Variants in NRG1 observed in about 807,000 individuals in gnomAD.
NRG1 encodes neuregulin 1.
A neutral mutation model predicts 63.8 loss-of-function variants in NRG1; 18 were observed. The observed-to-expected ratio is 0.28, with a 90% CI of 0.19 to 0.42. The LOEUF (loss-of-function observed/expected upper bound fraction) is 0.42, where lower values mean the gene tolerates loss of function less well. NRG1 is among the 10% of genes least tolerant of loss of function. The pLI, the probability that NRG1 is intolerant of heterozygous loss-of-function variation, is 1.00. For synonymous variants in NRG1, 302 were observed against 301.3 expected (o/e 1.00, Z -0.02); for missense variants, 762 against 814.7 (o/e 0.94, Z 0.79).
chr8:32,769,335 T>C (rs1831638951), downstream of NRG1, among the ~76,000 whole-genome samples: 1 of 152,168 alleles, frequency 6.6e-6, no homozygotes, highest in African/African-American at 2.4e-5. Context: ...CGCAGCCAGA[T>C]TGAATGTCTG....
chr8:31,772,662 G>A (rs1443798111), intron 1 of NRG1, among the ~76,000 whole-genome samples: 1 of 152,118 alleles, frequency 6.6e-6, no homozygotes, highest in Non-Finnish European at 1.5e-5. Context: ...TACTGGATTT[G>A]CTTCTCACTC....
chr8:31,857,407 A>C lies in NRG1; in HGVS notation c.37+217976A>C, dbSNP rs550970731. Among the ~76,000 whole-genome samples the C allele has an allele frequency of 2.6e-5, 4 of 152,338 alleles. No homozygotes were observed. In the South Asian group the frequency reaches 8.3e-4, roughly 32 times the overall value. ...CCGTCTGTCACCCCTTTCTTTGACT[A>C]GGAAAGGGAACTCCCTGACCCCTTG... On this transcript the variant is annotated intron_variant, in intron 1 of 10. Coordinates refer to the NRG1 transcript ENST00000519301.
At chr8:32,164,851 G>T (rs1016764743) in intron 1 of NRG1, among the ~76,000 whole-genome samples, 11 of 152,078 alleles carry the variant, frequency 7.2e-5, no homozygotes, top group Admixed American at 1.3e-4. Flanking sequence ...TGGGCCAATT[G>T]CTCTGTCTCT....
intron 5 of NRG1, among the ~76,000 whole-genome samples, chr8:32,631,803 G>C (rs889920036): frequency 6.6e-6 from 1 of 152,122 alleles, no homozygotes; most frequent in Non-Finnish European, 1.5e-5. Flanking sequence ...GACGCTTTGA[G>C]ACTCCGTTGC....
intron 1 of NRG1, among the ~76,000 whole-genome samples, chr8:32,431,353 G>C (rs1442049895): frequency 6.6e-6 from 1 of 152,084 alleles, no homozygotes; most frequent in Non-Finnish European, 1.5e-5. Context: ...ACTTTTGCTA[G>C]GATTCTGTCC....
At chr8:32,763,360 G>A in intron 11 of NRG1, 2 of 1,613,608 alleles carry the variant, frequency 1.2e-6, no homozygotes, top group Non-Finnish European at 1.7e-6. Context: ...CTTTAGGAAG[G>A]TATAGTATTT....
chr8:32,246,135 C>T (rs1387808609), intron 1 of NRG1, among the ~76,000 whole-genome samples: 1 of 152,116 alleles, frequency 6.6e-6, no homozygotes, highest in South Asian at 2.1e-4. Flanking sequence ...TTTCTGATTT[C>T]TCTAACAGTC....
At chr8:32,496,476 C>T (rs910735841) in intron 1 of NRG1, among the ~76,000 whole-genome samples, 1 of 152,072 alleles carries the variant, frequency 6.6e-6, no homozygotes, top group Non-Finnish European at 1.5e-5. Context: ...TGTAGTCTCA[C>T]CTACTTGGGA....
At chr8:32,548,677 A>C in exon 1 of NRG1, 1 of 1,542,362 alleles carries the variant, frequency 6.5e-7, no homozygotes, top group Non-Finnish European at 8.7e-7. Context: ...CTTGGACCAA[A>C]CTCGCCTGCG....
intron 1 of NRG1, among the ~76,000 whole-genome samples, chr8:32,585,337 A>G (rs16879582): frequency 0.026 from 4,033 of 152,272 alleles, 188 homozygotes; most frequent in African/African-American, 0.092. Context: ...CTTTCAGTGA[A>G]GCTTGCTGGA....
chr8:31,909,026 A>T (rs1405060642), intron 1 of NRG1, among the ~76,000 whole-genome samples: 1 of 152,194 alleles, frequency 6.6e-6, no homozygotes, highest in African/African-American at 2.4e-5. Context: ...GTTGGATTGT[A>T]ACCCAAACTT....
intron 1 of NRG1, among the ~76,000 whole-genome samples, chr8:32,172,888 A>G (rs1840235989): frequency 1.3e-5 from 2 of 152,240 alleles, no homozygotes; most frequent in African/African-American, 4.8e-5. Context: ...AGTGATGGGG[A>G]GAATGGAACC....
chr8:32,537,412 G>A (rs981784731), intron 1 of NRG1, among the ~76,000 whole-genome samples: 4 of 152,010 alleles, frequency 2.6e-5, no homozygotes, highest in Admixed American at 6.6e-5. Context: ...TGAACATATG[G>A]CATTTTTATT....
intron 1 of NRG1, among the ~76,000 whole-genome samples, chr8:32,170,991 T>G (rs1199569129): frequency 6.6e-6 from 1 of 152,186 alleles, no homozygotes. Flanking sequence ...ATGCACACTT[T>G]GACCCCATCT....
At chr8:32,130,553 G>T (rs1206034566) in intron 1 of NRG1, among the ~76,000 whole-genome samples, 1 of 151,858 alleles carries the variant, frequency 6.6e-6, no homozygotes, top group Non-Finnish European at 1.5e-5. Context: ...CAAGCCTAGA[G>T]TTCTTAAAAC....
At chr8:31,944,622 G>A (rs1802256669) in intron 1 of NRG1, among the ~76,000 whole-genome samples, 1 of 152,126 alleles carries the variant, frequency 6.6e-6, no homozygotes, top group South Asian at 2.1e-4. Context: ...AGAGATGCAA[G>A]TGTTTATTAA....
intron 1 of NRG1, among the ~76,000 whole-genome samples, chr8:32,320,733 A>G (rs542604359): frequency 4.9e-4 from 75 of 152,262 alleles, no homozygotes; most frequent in African/African-American, 1.6e-3. Flanking sequence ...CACAAATCCA[A>G]ACCATACAGT....
chr8:31,719,893 T>C (rs1005986638), intron 1 of NRG1, among the ~76,000 whole-genome samples: 1 of 152,148 alleles, frequency 6.6e-6, no homozygotes, highest in Non-Finnish European at 1.5e-5. Flanking sequence ...TCCTGATTTT[T>C]GGCATGATTT....
intron 1 of NRG1, among the ~76,000 whole-genome samples, chr8:31,822,799 A>G (rs527915683): frequency 6.6e-6 from 1 of 152,340 alleles, no homozygotes; most frequent in African/African-American, 2.4e-5. Flanking sequence ...AAATAGAAAC[A>G]GTCTCAGGAG....
Sources: allele counts gnomAD v4.1 joint callset (sites outside exome capture counted in the v4.1 genomes callset), GRCh38; gene constraint gnomAD v4.1.1; transcripts MANE v1.5; gene names NCBI Gene and HGNC (gene_info 2026-07-23, HGNC 2026-07-21).